The following RAB1B variants were observed in gnomAD, a reference collection of about 807,000 sequenced individuals.
RAB1B encodes ras-related protein Rab-1B.
RAB1B carries 10 observed loss-of-function variants against 24.8 expected under a neutral mutation model. That is an observed-to-expected ratio of 0.40 (90% CI 0.25 to 0.68). The LOEUF is 0.68. Among genes scored for constraint, RAB1B ranks in the 30% least tolerant of loss-of-function variants. The pLI is 0.37. For missense variants in RAB1B, 154 were observed against 271.2 expected (o/e 0.57, Z 3.04); for synonymous variants, 99 against 111.7 (o/e 0.89, Z 0.72).
intron 4 of RAB1B, among the ~76,000 whole-genome samples, chr11:66,275,526 C>G (rs1449898780): frequency 1.3e-5 from 2 of 152,140 alleles, no homozygotes; most frequent in African/African-American, 4.8e-5. Context: ...GGGAGAGAGA[C>G]AGCTGCAGGG....
chr11:66,271,751 G>A, intron 1 of RAB1B, 46 bp from the exon 2 acceptor site: 1 of 1,355,908 alleles, frequency 7.4e-7, no homozygotes, highest in Non-Finnish European at 1.1e-6. Context: ...ATGATGGTAG[G>A]TGGGCTCCCT....
At chr11:66,275,978 C>T (rs887902076) in intron 5 of RAB1B, 43 bp downstream of exon 5, 4 of 1,607,566 alleles carry the variant, frequency 2.5e-6, no homozygotes, top group Non-Finnish European at 3.4e-6. Flanking sequence ...GCGCTGGGGC[C>T]TGCTGCCCCT....
chr11:66,275,528 G>T (rs1857127592), intron 4 of RAB1B, among the ~76,000 whole-genome samples: 1 of 152,206 alleles, frequency 6.6e-6, no homozygotes, highest in Non-Finnish European at 1.5e-5. Context: ...GAGAGAGACA[G>T]CTGCAGGGAG....
intron 1 of RAB1B, 147 bp downstream of exon 1, chr11:66,268,840 GT>G: frequency 1.2e-6 from 1 of 802,538 alleles, no homozygotes; most frequent in Non-Finnish European, 1.6e-6. Flanking sequence ...CCACATCCGG[GT>G]TCTGCCCCTC....
At chr11:66,271,961 C>T (rs572669129) in intron 2 of RAB1B, 92 bp downstream of exon 2, 3 of 1,146,290 alleles carry the variant, frequency 2.6e-6, no homozygotes, top group Non-Finnish European at 4.0e-6. Context: ...GTTGCAAGAT[C>T]TGGGAACCAG....
At chr11:66,271,651 A>T (rs775171241) in intron 1 of RAB1B, 146 bp from the exon 2 acceptor site, 16 of 605,688 alleles carry the variant, frequency 2.6e-5, no homozygotes, top group Non-Finnish European at 4.5e-5. Context: ...AGCCTGGGTG[A>T]CAGAGTGAGA....
intron 4 of RAB1B, among the ~76,000 whole-genome samples, chr11:66,274,108 G>A (rs913375255): frequency 1.3e-5 from 2 of 152,122 alleles, no homozygotes; most frequent in Admixed American, 1.3e-4. Flanking sequence ...CTAAGTCACT[G>A]GGACTATAGA....
chr11:66,272,630 C>G, intron 4 of RAB1B, 170 bp downstream of exon 4: 1 of 497,774 alleles, frequency 2.0e-6, no homozygotes, highest in Non-Finnish European at 3.6e-6. Context: ...TGTACTTGGA[C>G]TCATTTCACA....
chr11:66,269,300 C>T (rs1281749748), intron 1 of RAB1B, among the ~76,000 whole-genome samples: 1 of 152,162 alleles, frequency 6.6e-6, no homozygotes, highest in East Asian at 1.9e-4. Flanking sequence ...TCCTTTCCCG[C>T]CCTCTCCTCG....
chr11:66,271,588 T>C (rs867660519), intron 1 of RAB1B: 5 of 459,170 alleles, frequency 1.1e-5, no homozygotes, highest in Middle Eastern at 4.7e-4. Flanking sequence ...GAAGATCACT[T>C]TGAGCCCGCA....
Position 66,276,501 on chromosome 11 carries a change from A to C in RAB1B, c.*263A>C. ...TGTTGCCTCTAGGTGACTTTCCAAGATGCCCCCCTACACACCTTTCTTTGG... is the reference window on the plus strand; with the variant it reads ...TGTTGCCTCTAGGTGACTTTCCAAGCTGCCCCCCTACACACCTTTCTTTGG... On this transcript the variant is annotated 3_prime_UTR_variant, in exon 6 of 6. Coordinates refer to ENST00000311481, the MANE Select transcript of RAB1B (RefSeq NM_030981.3). 1 of 460,314 alleles carries C rather than the reference A, an allele frequency of 2.2e-6. No homozygotes were observed. The allele number at this position is 460,314 out of a possible 1,614,324, so 28.5% of individuals were successfully genotyped here. A position where few individuals can be genotyped will look rare whatever the true frequency, so the allele number is the denominator to read the frequency against.
Position 66,275,519 on chromosome 11 carries a change from A to T in RAB1B, c.280-285A>T, listed in dbSNP as rs180722413. On this transcript the variant is annotated intron_variant, in intron 4 of 5. Coordinates refer to ENST00000311481, the MANE Select transcript of RAB1B (RefSeq NM_030981.3). ...GTTAGGGCCTGCAAGTGTCTCAGGGAGAGAGACAGCTGCAGGGAGCAGAGC... is the reference window on the plus strand; with the variant it reads ...GTTAGGGCCTGCAAGTGTCTCAGGGTGAGAGACAGCTGCAGGGAGCAGAGC... 3.9e-5 allele frequency among the ~76,000 whole-genome samples: 6 copies of T among 152,062 alleles called. No homozygotes were observed. The East Asian group carries it at 9.7e-4, about 25-fold the overall frequency.
At position 66,272,220 on chromosome 11, in the gene RAB1B, G is replaced by A. The variant is rs1857071497; in HGVS notation, c.151G>A (p.Glu51Lys). The A allele has an allele frequency of 2.5e-6, 4 of 1,613,884 alleles. No homozygotes were observed. Among genetic ancestry groups the A allele is most frequent in the Non-Finnish European group, 3.4e-6 (4 of 1,179,810 alleles). ...GGTGGACTTCAAGATCCGAACCATCGAGCTGGATGGCAAAACTATCAAACT... is the reference window on the plus strand; with the variant it reads ...GGTGGACTTCAAGATCCGAACCATCAAGCTGGATGGCAAAACTATCAAACT... ...IGVDFKIRTI[E>K]LDGKTIKLQI... The change falls in exon 3 of 6, where the codon GAG becomes AAG. Residue 51 changes from glutamate (E) to lysine (K), a missense_variant. Around this residue, in one of 2 missense-constraint regions of RAB1B, gnomAD observed 77 missense variants for 173.4 expected, o/e 0.44. Coordinates refer to ENST00000311481, the MANE Select transcript of RAB1B (RefSeq NM_030981.3).
At chr11:66,274,761 C>A (rs1369946961) in intron 4 of RAB1B, among the ~76,000 whole-genome samples, 1 of 145,744 alleles carries the variant, frequency 6.9e-6, no homozygotes, top group African/African-American at 2.6e-5. Flanking sequence ...TCCCCACTCC[C>A]CCATTCCCCC....
intron 5 of RAB1B, 27 bp downstream of exon 5, chr11:66,275,962 G>A (rs560874766): frequency 1.2e-6 from 2 of 1,609,786 alleles, no homozygotes; most frequent in African/African-American, 1.3e-5. Flanking sequence ...TCTGCCCGGG[G>A]TCGGGGCGCT....
rs772747879 is a variant in RAB1B, at chr11:66,276,370, TCTC to T, written c.*135_*137del. On this transcript the variant is annotated 3_prime_UTR_variant, in exon 6 of 6. Coordinates refer to ENST00000311481, the MANE Select transcript of RAB1B (RefSeq NM_030981.3). ...GCTTTGGGGTGTCCTGGGCTCCCCA[TCTC>T]CTTCTGGCCCATCTGCCTGCTGCCC... is the stretch of plus-strand genomic sequence containing the variant. 2 of 872,612 alleles carry T rather than the reference TCTC, an allele frequency of 2.3e-6. No individual in the cohort carries two copies. Among genetic ancestry groups the T allele is most frequent in the Admixed American group, 3.3e-5 (1 of 30,762 alleles). The allele number at this position is 872,612 out of a possible 1,614,324, so 54.1% of individuals were successfully genotyped here.
chr11:66,271,785 T>C lies in RAB1B; in HGVS notation c.15-12T>C, dbSNP rs200763388. On this transcript the variant is annotated splice_polypyrimidine_tract_variant and intron_variant, in intron 1 of 5. Coordinates refer to ENST00000311481, the MANE Select transcript of RAB1B (RefSeq NM_030981.3). ...CTGCCTCCCTTCACGCCTTCCCATC[T>C]TCTCTCTCCAGTGACTACCTGTTTA... 1.9e-3 allele frequency: 3,120 copies of C among 1,612,132 alleles called. 59 individuals carry two copies. The South Asian group carries it at 0.028, about 14-fold the overall frequency.
At chr11:66,271,488 C>CAAAA (rs71270565) in intron 1 of RAB1B, 11 of 48,478 alleles carry the variant, frequency 2.3e-4, no homozygotes, top group South Asian at 1.0e-3. Context: ...AACTCAGTCT[C>CAAAA]AAAAAAAAAA....
At chr11:66,270,132 T>C (rs1281642571) in intron 1 of RAB1B, 1 of 152,228 alleles carries the variant, frequency 6.6e-6, no homozygotes. Context: ...GCCTCGGGCT[T>C]CCAAAGTGTT....
Sources: gnomAD v4.1 joint callset for allele counts (sites outside exome capture counted in the v4.1 genomes callset) on GRCh38, gnomAD v4.1.1 for gene constraint, gnomAD v4.1.1 regional missense constraint, MANE v1.5 for transcripts, NCBI Gene and HGNC (gene_info 2026-07-23, HGNC 2026-07-21) for gene names.